SENP6: variants seen among roughly 807,000 people sequenced by gnomAD.
The protein encoded by SENP6 is SUMO specific peptidase 6, also known as sentrin-specific protease 6.
In SENP6, 41 loss-of-function variants were observed where a neutral mutation model predicts 134.5. That is an observed-to-expected ratio of 0.30 (90% CI 0.24 to 0.40). The LOEUF is 0.40. Ranked by LOEUF, SENP6 falls within the 10% of genes least tolerant of loss-of-function variation. The pLI, the probability that SENP6 is intolerant of heterozygous loss-of-function variation, is 1.00. For synonymous variants in SENP6, 395 were observed against 429.8 expected (o/e 0.92, Z 1.00); for missense variants, 1,248 against 1,312.5 (o/e 0.95, Z 0.76).
At position 75,659,305 on chromosome 6, in the gene SENP6, G is replaced by A; in HGVS notation, c.594G>A (p.Glu198=). 1 of 1,612,680 alleles carries A rather than the reference G, an allele frequency of 6.2e-7. No individual in the cohort carries two copies. The part of the protein sequence containing the change: ...KKTEESESQV[E]PEIKRKVQQK... ...CAGAAGAGTCCGAATCACAAGTGGA[G>A]CCTGAAATTAAGAGGAAAGTACAAC... The change falls in exon 8 of 24, where the codon GAG becomes GAA. Residue 198 remains glutamate (E), a synonymous_variant. Transcript: ENST00000447266.
In SENP6 at chr6:75,689,822, CGA is replaced by C. The variant is rs1774111998; in HGVS notation, c.2076-5981_2076-5980del. Among the ~76,000 whole-genome samples, 4 of 150,162 alleles carry C rather than the reference CGA, an allele frequency of 2.7e-5. No individual in the cohort carries two copies. In the South Asian group the frequency reaches 8.3e-4, roughly 31 times the overall value. On this transcript the variant is annotated intron_variant, in intron 16 of 23. Coordinates refer to ENST00000447266, the MANE Select transcript of SENP6 (RefSeq NM_015571.4). ...CCACCTCGGATTGTATAAGTACACT[CGA>C]TGATGCACAACTTCAAATTACCTCA...
chr6:75,671,034 A>C (rs560422004), intron 11 of SENP6, among the ~76,000 whole-genome samples: 3 of 152,192 alleles, frequency 2.0e-5, no homozygotes, highest in Non-Finnish European at 2.9e-5. Context: ...TATATTAAAG[A>C]ACTGTAGTGA....
chr6:75,663,580 T>C, intron 9 of SENP6, 62 bp downstream of exon 9: 1 of 1,249,110 alleles, frequency 8.0e-7, no homozygotes. Context: ...GATATATTTT[T>C]ACAACCACTC....
At chr6:75,606,505 G>A (rs540649872) in intron 1 of SENP6, among the ~76,000 whole-genome samples, 1 of 152,290 alleles carries the variant, frequency 6.6e-6, no homozygotes, top group South Asian at 2.1e-4. Flanking sequence ...TAACAGTGAG[G>A]GAGAAGAAAC....
chr6:75,682,097 G>C (rs1288388846), intron 16 of SENP6, among the ~76,000 whole-genome samples: 2 of 152,042 alleles, frequency 1.3e-5, no homozygotes, highest in Non-Finnish European at 2.9e-5. Flanking sequence ...AGAAAGCAGA[G>C]TCTGACAAAT....
chr6:75,713,620 A>G (rs1231770768), intron 22 of SENP6, 39 bp downstream of exon 22: 2 of 1,598,856 alleles, frequency 1.3e-6, no homozygotes, highest in Non-Finnish European at 1.7e-6. Flanking sequence ...ATGGGGATGA[A>G]GAACTATGTA....
At chr6:75,638,082 G>A (rs758762299) in intron 5 of SENP6, among the ~76,000 whole-genome samples, 65 of 151,878 alleles carry the variant, frequency 4.3e-4, no homozygotes, top group African/African-American at 1.2e-3. Flanking sequence ...GGCTGGTCTC[G>A]AACTCTTTAC....
intron 2 of SENP6, among the ~76,000 whole-genome samples, chr6:75,623,236 G>C (rs1242450064): frequency 6.6e-6 from 1 of 152,118 alleles, no homozygotes; most frequent in Non-Finnish European, 1.5e-5. Flanking sequence ...TCTTTACGGT[G>C]CTAGCTGTCC....
At chr6:75,686,805 C>A (rs1773874543) in intron 16 of SENP6, among the ~76,000 whole-genome samples, 1 of 152,176 alleles carries the variant, frequency 6.6e-6, no homozygotes, top group Non-Finnish European at 1.5e-5. Flanking sequence ...GGTAATCAAC[C>A]TTTCTCTCTG....
At chr6:75,688,757 C>CA (rs1562052362) in intron 16 of SENP6, among the ~76,000 whole-genome samples, 1 of 151,976 alleles carries the variant, frequency 6.6e-6, no homozygotes, top group African/African-American at 2.4e-5. Context: ...CCTGTGTCTA[C>CA]AAAAAAGAAA....
chr6:75,628,526 T>G (rs115008215), intron 3 of SENP6, among the ~76,000 whole-genome samples: 2,946 of 152,276 alleles, frequency 0.019, 103 homozygotes, highest in African/African-American at 0.067. Flanking sequence ...AGTTCATCTA[T>G]TCATTAATCT....
Position 75,716,124 on chromosome 6 carries a change from A to G in SENP6, c.*530A>G, listed in dbSNP as rs1776008960. 1 of 152,154 alleles carries G rather than the reference A, an allele frequency of 6.6e-6. No individual in the cohort carries two copies. Among genetic ancestry groups the G allele is most frequent in the African/African-American group, 2.4e-5 (1 of 41,454 alleles). 9.4% of individuals were successfully genotyped at this position (152,154 alleles called of 1,614,324 possible). On this transcript the variant is annotated 3_prime_UTR_variant, in exon 24 of 24. Coordinates refer to ENST00000447266, the MANE Select transcript of SENP6 (RefSeq NM_015571.4). ...GAACAAAGTAACAGCCTTTCAATTC[A>G]TATACTGCCTTGTGTTCAGTGAACC...
intron 18 of SENP6, 108 bp from the exon 19 acceptor site, chr6:75,702,533 TAATA>T (rs1291918881): frequency 9.3e-7 from 1 of 1,070,348 alleles, no homozygotes; most frequent in Admixed American, 3.2e-5. Flanking sequence ...TAGGCATTTT[TAATA>T]AATTAATTGG....
chr6:75,691,143 A>AT (rs36048279), intron 16 of SENP6, among the ~76,000 whole-genome samples: 3,247 of 141,362 alleles, frequency 0.023, 120 homozygotes, highest in African/African-American at 0.075. Flanking sequence ...CCCAGCTAAA[A>AT]TTTTTTTTTT....
chr6:75,628,355 AT>A (rs940669097), intron 3 of SENP6, among the ~76,000 whole-genome samples: 1 of 152,144 alleles, frequency 6.6e-6, no homozygotes, highest in African/African-American at 2.4e-5. Context: ...ACTAAAGTTT[AT>A]TTTTTTAAAA....
In SENP6 at chr6:75,709,594, T is replaced by C; in HGVS notation, c.2784T>C (p.Asp928=). The part of the protein sequence containing the change: ...ESPEAGKMLE[D]ELVDFSEDQD... ...CTGAAGCTGGTAAAATGCTTGAAGA[T>C]GAACTCGTCGACTTCTCAGAAGATC... The change falls in exon 20 of 24, where the codon GAT becomes GAC. Residue 928 remains aspartate, a synonymous_variant. Transcript: ENST00000447266. 6.2e-7 allele frequency: 1 copy of C among 1,614,054 alleles called. No homozygotes were observed. The highest frequency in any genetic ancestry group is 8.5e-7 in the Non-Finnish European group (1 of 1,179,944).
intron 19 of SENP6, among the ~76,000 whole-genome samples, chr6:75,704,609 C>G (rs1414572374): frequency 2.6e-5 from 4 of 152,218 alleles, no homozygotes; most frequent in African/African-American, 9.6e-5. Flanking sequence ...TCTATCTCAA[C>G]TGCAAGAGGC....
At chr6:75,707,150 A>G (rs1775454841) in intron 19 of SENP6, among the ~76,000 whole-genome samples, 2 of 152,228 alleles carry the variant, frequency 1.3e-5, no homozygotes, top group South Asian at 4.1e-4. Context: ...TGTAAGGTAG[A>G]TAGATATTTA....
chr6:75,686,263 T>C (rs1414745805), intron 16 of SENP6, among the ~76,000 whole-genome samples: 1 of 152,170 alleles, frequency 6.6e-6, no homozygotes, highest in Non-Finnish European at 1.5e-5. Context: ...TCTTCCTCCA[T>C]CCCTTTATTT....
Sources: gnomAD v4.1 joint callset for allele counts (sites outside exome capture counted in the v4.1 genomes callset) on GRCh38, gnomAD v4.1.1 for gene constraint, MANE v1.5 for transcripts, NCBI Gene and HGNC (gene_info 2026-07-23, HGNC 2026-07-21) for gene names.